Variants in CACNA1C observed in about 807,000 individuals in gnomAD.
CACNA1C encodes the protein calcium voltage-gated channel subunit alpha1 C, also known as voltage-dependent L-type calcium channel subunit alpha-1C.
CACNA1C carries 30 observed loss-of-function variants against 229.0 expected under a neutral mutation model. That is an observed-to-expected ratio of 0.13 (90% confidence interval 0.10 to 0.18). The LOEUF (loss-of-function observed/expected upper bound fraction) is 0.18, where lower values mean the gene tolerates loss of function less well. Ranked by LOEUF, CACNA1C falls within the 10% of genes least tolerant of loss-of-function variation. CACNA1C has a pLI of 1.00. For synonymous variants in CACNA1C, 1,114 were observed against 1,132.5 expected, an observed-to-expected ratio of 0.98 and a Z score of 0.33; for missense variants, 1,658 against 2,845.0, an observed-to-expected ratio of 0.58 and a Z score of 9.49.
chr12:2,220,883 G>A (rs1411510161), intron 3 of CACNA1C: 2 of 150,946 alleles, frequency 1.3e-5, no homozygotes, highest in African/African-American at 5.0e-5. Flanking sequence ...GAAGAGAAGA[G>A]AGAGAAAATT....
chr12:2,610,749 A>C, intron 28 of CACNA1C, 50 bp downstream of exon 28: 1 of 1,596,530 alleles, frequency 6.3e-7, no homozygotes, highest in Non-Finnish European at 8.6e-7. Flanking sequence ...GGAGTGTGCC[A>C]TGGGGATGGA....
intron 5 of CACNA1C, among the ~76,000 whole-genome samples, chr12:2,470,177 A>T (rs1207521306): frequency 6.6e-6 from 1 of 152,200 alleles, no homozygotes; most frequent in Admixed American, 6.5e-5. Flanking sequence ...CTAAAATAAG[A>T]GCAGGTATTT....
intron 3 of CACNA1C, among the ~76,000 whole-genome samples, chr12:2,332,157 T>A (rs958337085): frequency 5.9e-5 from 9 of 152,158 alleles, no homozygotes; most frequent in African/African-American, 2.2e-4. Flanking sequence ...CTCAGATGAT[T>A]CCAAAAAAAT....
At chr12:2,489,136 A>C (rs1199060230) in intron 6 of CACNA1C, among the ~76,000 whole-genome samples, 1 of 151,988 alleles carries the variant, frequency 6.6e-6, no homozygotes, top group Non-Finnish European at 1.5e-5. Flanking sequence ...TTAAAATTTC[A>C]GACTTTGGAT....
chr12:1,997,087 T>C (rs1361806297), intron 1 of CACNA1C, among the ~76,000 whole-genome samples: 1 of 148,176 alleles, frequency 6.7e-6, no homozygotes, highest in Non-Finnish European at 1.5e-5. Context: ...CACTCGTAAT[T>C]TGATATTAAT....
intron 1 of CACNA1C, among the ~76,000 whole-genome samples, chr12:2,038,890 T>C (rs2049605534): frequency 6.6e-6 from 1 of 151,772 alleles, no homozygotes; most frequent in African/African-American, 2.4e-5. Context: ...TGTTGACAGG[T>C]GAAATCCCTT....
intron 1 of CACNA1C, among the ~76,000 whole-genome samples, chr12:1,976,968 G>T (rs1466834259): frequency 6.6e-6 from 1 of 152,078 alleles, no homozygotes; most frequent in Non-Finnish European, 1.5e-5. Context: ...AGAAGATTAG[G>T]AACTACTATT....
rs2097020127 is a variant in CACNA1C, at chr12:2,679,531, C to T, written c.5179C>T (p.Pro1727Ser). 1.2e-6 allele frequency: 2 copies of T among 1,612,920 alleles called. No homozygotes were observed. Residue 1727 changes from proline (P) to serine (S), a missense_variant, in exon 42 of 47, where the codon CCG becomes TCG. Pro to Ser is a moderately conservative substitution (Grantham distance 74). This residue lies in a region of CACNA1C where 590 missense variants were observed against 700.8 expected (regional missense o/e 0.84). Coordinates refer to ENST00000399655, the MANE Select transcript of CACNA1C (RefSeq NM_000719.7). The surrounding 1 kb of genome is among the most constrained non-coding windows in gnomAD (Gnocchi z 5.5). ...AFPQTFTTQR[P>S]LHINKAGSSQ... ...CCCCCAGACCTTCACCACTCAGCGC[C>T]CGCTGCACATCAACAAGGCGGGCAG... is the stretch of plus-strand genomic sequence containing the variant.
At chr12:2,265,982 C>T (rs1231933386) in intron 3 of CACNA1C, among the ~76,000 whole-genome samples, 1 of 152,282 alleles carries the variant, frequency 6.6e-6, no homozygotes, top group Admixed American at 6.5e-5. Context: ...GACATCCAAA[C>T]ACCCACACTG....
At position 2,031,597 on chromosome 12, in the gene CACNA1C, T is replaced by C. The variant is rs190834630; in HGVS notation, c.139+60396T>C. ...GCTTGAAAGCCAGTCTCCTTGGGTC[T>C]CTATCTCTCTACCTATCCTACTACC... On this transcript the variant is annotated intron_variant, in intron 1 of 46. Transcript: ENST00000682462. Among the ~76,000 whole-genome samples, 220 of 152,358 alleles carry C rather than the reference T, an allele frequency of 1.4e-3. 1 individual carries two copies. The highest frequency in any genetic ancestry group is 4.4e-3 in the African/African-American group (181 of 41,582).
chr12:2,567,407 C>T (rs930441959), intron 12 of CACNA1C, among the ~76,000 whole-genome samples, 162 bp from the exon 13 acceptor site: 4 of 152,202 alleles, frequency 2.6e-5, no homozygotes, highest in African/African-American at 9.7e-5. Flanking sequence ...GAGCCCTTTC[C>T]CATTGGCTTG....
Position 2,180,632 on chromosome 12 carries a change from G to A in CACNA1C, c.477+60202G>A, listed in dbSNP as rs117758397. On this transcript the variant is annotated intron_variant, in intron 3 of 46. Transcript: ENST00000399655. ...GCTGAGAGACTGTCCAGTGCGCTGC[G>A]TTCTAGAACATTTTTGCTGATAGGG... is the stretch of plus-strand genomic sequence containing the variant. 1.5e-3 allele frequency among the ~76,000 whole-genome samples: 230 copies of A among 152,312 alleles called. 5 individuals carry two copies. In the South Asian group the frequency reaches 0.029, roughly 19 times the overall value.
Position 2,296,201 on chromosome 12 carries a change from G to A in CACNA1C, c.478-152775G>A, listed in dbSNP as rs538444871. On this transcript the variant is annotated intron_variant, in intron 3 of 46. Transcript: ENST00000399655. ...TTATCCATGCTAATGGAGTGGGGAC[G>A]TGATAGTCACTCTGTTCTAATGCTT... 5.9e-5 allele frequency among the ~76,000 whole-genome samples: 9 copies of A among 152,336 alleles called. No individual in the cohort carries two copies. The South Asian group carries it at 1.9e-3, about 32-fold the overall frequency.
intron 3 of CACNA1C, among the ~76,000 whole-genome samples, chr12:2,442,303 C>G (rs1451505986): frequency 6.6e-6 from 1 of 152,194 alleles, no homozygotes; most frequent in Non-Finnish European, 1.5e-5. Flanking sequence ...AACTGGGGCT[C>G]TCTCTCCACT....
At chr12:2,237,165 T>C (rs2067736422) in intron 3 of CACNA1C, among the ~76,000 whole-genome samples, 3 of 152,178 alleles carry the variant, frequency 2.0e-5, no homozygotes, top group Admixed American at 2.0e-4. Context: ...TGGGGGGAAA[T>C]CTTAATTCCA....
chr12:2,250,492 T>C (rs2075209308), intron 3 of CACNA1C, among the ~76,000 whole-genome samples: 1 of 152,214 alleles, frequency 6.6e-6, no homozygotes. Context: ...CACTTTTACA[T>C]CCATGATCTC....
chr12:2,654,357 A>G lies in CACNA1C; in HGVS notation c.4140+457A>G, dbSNP rs1353234154. ...GCTGAGAGGGAGGGAGGGAAGAAGG[A>G]AGCAAGGAAGGGCCAAATCAACACA... On this transcript the variant is annotated intron_variant, in intron 33 of 46. Coordinates refer to ENST00000399655, the MANE Select transcript of CACNA1C (RefSeq NM_000719.7). This position sits in a 1 kb window ranked among gnomAD's most constrained non-coding sequence, Gnocchi z 4.4. 2.0e-5 allele frequency among the ~76,000 whole-genome samples: 3 copies of G among 152,190 alleles called. No individual in the cohort carries two copies. Among genetic ancestry groups the G allele is most frequent in the Non-Finnish European group, 1.5e-5 (1 of 68,018 alleles).
chr12:2,097,655 C>T (rs924274581), intron 1 of CACNA1C, among the ~76,000 whole-genome samples: 2 of 152,190 alleles, frequency 1.3e-5, no homozygotes, highest in Non-Finnish European at 2.9e-5. Context: ...AGTGAGCCGC[C>T]GGGGCTCTCT....
chr12:2,420,773 G>T (rs2098970396), intron 3 of CACNA1C, among the ~76,000 whole-genome samples: 1 of 152,198 alleles, frequency 6.6e-6, no homozygotes, highest in East Asian at 1.9e-4. Context: ...TCCAGCCCTG[G>T]CTCTGCGCCT....
Sources: allele counts gnomAD v4.1 joint callset (sites outside exome capture counted in the v4.1 genomes callset), GRCh38; gene constraint gnomAD v4.1.1; regional missense constraint gnomAD v4.1.1; non-coding constraint Gnocchi (gnomAD v3.1); transcripts MANE v1.5; gene names NCBI Gene and HGNC (gene_info 2026-07-23, HGNC 2026-07-21).